The following TYW1 variants were observed in gnomAD, a reference collection of about 807,000 sequenced individuals.
TYW1 encodes the protein S-adenosyl-L-methionine-dependent tRNA 4-demethylwyosine synthase TYW1.
A neutral mutation model predicts 96.2 loss-of-function variants in TYW1; 46 were observed. The ratio of observed to expected loss-of-function variants is 0.48; its 90% CI spans 0.38 to 0.61. The LOEUF is 0.61. TYW1 is among the 20% of genes least tolerant of loss of function. The pLI, the probability that TYW1 is intolerant of heterozygous loss-of-function variation, is 0.00. For synonymous variants in TYW1, 274 were observed against 323.0 expected (o/e 0.85, Z 1.63); for missense variants, 684 against 909.6 (o/e 0.75, Z 3.19).
chr7:67,026,859 A>C (rs1465377716), intron 7 of TYW1, among the ~76,000 whole-genome samples: 3 of 152,140 alleles, frequency 2.0e-5, no homozygotes, highest in Non-Finnish European at 4.4e-5. Flanking sequence ...CATATATATT[A>C]AAGGTGGACT....
intron 9 of TYW1, among the ~76,000 whole-genome samples, chr7:67,056,343 T>C (rs1250194029): frequency 6.6e-6 from 1 of 151,986 alleles, no homozygotes; most frequent in Non-Finnish European, 1.5e-5. Context: ...AATATCAAAA[T>C]TAGTCAGGTG....
chr7:67,117,340 T>C (rs1299973655), intron 12 of TYW1, 143 bp from the exon 13 acceptor site: 1 of 863,262 alleles, frequency 1.2e-6, no homozygotes, highest in East Asian at 3.1e-5. Flanking sequence ...AATCATTAGT[T>C]CAGTCTTTTG....
At chr7:67,191,806 C>G (rs1365895695) in intron 14 of TYW1, among the ~76,000 whole-genome samples, 1 of 151,952 alleles carries the variant, frequency 6.6e-6, no homozygotes, top group African/African-American at 2.4e-5. Flanking sequence ...GCATTTCTGT[C>G]ACGGTGCAGC....
chr7:67,040,634 C>T (rs138438279), intron 7 of TYW1, among the ~76,000 whole-genome samples: 2 of 152,180 alleles, frequency 1.3e-5, no homozygotes, highest in East Asian at 3.9e-4. Flanking sequence ...CGCTTGAGCT[C>T]AGGAGTTTGA....
intron 15 of TYW1, among the ~76,000 whole-genome samples, chr7:67,210,715 A>G (rs1408345183): frequency 1.1e-5 from 1 of 88,230 alleles, no homozygotes; most frequent in Non-Finnish European, 2.4e-5. Flanking sequence ...TCCATTCATC[A>G]TCTGTATGTC....
chr7:67,035,913 A>G (rs1186605904), intron 7 of TYW1, among the ~76,000 whole-genome samples: 4 of 151,086 alleles, frequency 2.6e-5, no homozygotes, highest in African/African-American at 4.8e-5. Context: ...TGCTGATCTT[A>G]TGATCCGCCC....
intron 7 of TYW1, among the ~76,000 whole-genome samples, chr7:67,044,513 T>G (rs1375604067): frequency 6.6e-6 from 1 of 152,230 alleles, no homozygotes; most frequent in African/African-American, 2.4e-5. Flanking sequence ...TCTTCATTTA[T>G]TCAACCAACA....
Position 67,055,862 on chromosome 7 carries a change from G to T in TYW1, c.1130G>T (p.Gly377Val). Residue 377 changes from glycine to valine, a missense_variant, in exon 9 of 16, where the codon GGG becomes GTG. Coordinates refer to ENST00000359626, the MANE Select transcript of TYW1 (RefSeq NM_018264.4). ...QGYQLIGSHS[G>V]VKLCRWTKSM... ...TATCAGTTGATTGGGAGCCACTCGG[G>T]GGTGAAGCTTTGCAGGTGGACAAAG... 1 of 1,612,872 alleles carries T rather than the reference G, an allele frequency of 6.2e-7. No homozygotes were observed. Among genetic ancestry groups the T allele is most frequent in the African/African-American group, 1.3e-5 (1 of 74,970 alleles).
At chr7:67,192,724 C>G (rs1051220999) in intron 14 of TYW1, among the ~76,000 whole-genome samples, 6 of 152,152 alleles carry the variant, frequency 3.9e-5, no homozygotes, top group Non-Finnish European at 8.8e-5. Flanking sequence ...ACCTGATGCT[C>G]TGGAAGCCAA....
At chr7:67,003,685 T>C (rs1211633595) in intron 3 of TYW1, among the ~76,000 whole-genome samples, 4 of 152,208 alleles carry the variant, frequency 2.6e-5, no homozygotes, top group Non-Finnish European at 4.4e-5. Flanking sequence ...GTATTTTTTG[T>C]GTAAGGTTGC....
In TYW1 at chr7:67,163,633, A is replaced by G. The variant is rs577615269; in HGVS notation, c.1699-19493A>G. ...ACTGAACTCAAGGCATGTCTTTTCTACTCTCTGCCAAATTTCTGATCTTTA... is the reference window on the plus strand; with the variant it reads ...ACTGAACTCAAGGCATGTCTTTTCTGCTCTCTGCCAAATTTCTGATCTTTA... On this transcript the variant is annotated intron_variant, in intron 13 of 15. Transcript: ENST00000359626. Among the ~76,000 whole-genome samples, 104 of 145,712 alleles carry G rather than the reference A, an allele frequency of 7.1e-4. 1 individual carries two copies. The highest frequency in any genetic ancestry group is 7.2e-4 in the Non-Finnish European group (48 of 66,524).
chr7:67,131,165 G>T (rs1382344733), intron 13 of TYW1, among the ~76,000 whole-genome samples: 11 of 151,826 alleles, frequency 7.2e-5, no homozygotes. Flanking sequence ...TACTGGCTCT[G>T]CCACCTATTG....
intron 14 of TYW1, among the ~76,000 whole-genome samples, chr7:67,193,026 G>A (rs1800270922): frequency 6.6e-6 from 1 of 152,198 alleles, no homozygotes; most frequent in Non-Finnish European, 1.5e-5. Flanking sequence ...GGGCTGTGAT[G>A]TCAGCAAGCT....
intron 10 of TYW1, among the ~76,000 whole-genome samples, chr7:67,078,229 G>C (rs531277594): frequency 2.0e-4 from 30 of 152,132 alleles, no homozygotes; most frequent in Admixed American, 1.0e-3. Flanking sequence ...CCGAGTAACA[G>C]AGATTACAGG....
chr7:67,196,904 A>G (rs948866412), intron 15 of TYW1, among the ~76,000 whole-genome samples: 3 of 152,152 alleles, frequency 2.0e-5, no homozygotes, highest in African/African-American at 4.8e-5. Flanking sequence ...GCAGCAAGGG[A>G]CACAGTGCTC....
At chr7:67,132,372 A>C (rs558392322) in intron 13 of TYW1, among the ~76,000 whole-genome samples, 3 of 152,072 alleles carry the variant, frequency 2.0e-5, no homozygotes, top group Non-Finnish European at 4.4e-5. Flanking sequence ...GGCCTCCCAA[A>C]GTGCTGGGAT....
chr7:67,181,398 A>G (rs35042775), intron 13 of TYW1, among the ~76,000 whole-genome samples: 42,574 of 151,876 alleles, frequency 0.28, 6,443 homozygotes, highest in African/African-American at 0.4. Flanking sequence ...TGCATGATAT[A>G]CTGCATTTTG....
chr7:67,037,899 C>T (rs1350628202), intron 7 of TYW1, among the ~76,000 whole-genome samples: 1 of 152,166 alleles, frequency 6.6e-6, no homozygotes, highest in Non-Finnish European at 1.5e-5. Flanking sequence ...CTTGTTTTAG[C>T]ATTTTGTTAC....
At chr7:67,087,612 A>G (rs1160775314) in intron 11 of TYW1, among the ~76,000 whole-genome samples, 2 of 152,076 alleles carry the variant, frequency 1.3e-5, no homozygotes, top group Admixed American at 6.6e-5. Context: ...TCATATCTGA[A>G]TGGATTGACT....
Sources: gnomAD v4.1 joint callset for allele counts (sites outside exome capture counted in the v4.1 genomes callset) on GRCh38, gnomAD v4.1.1 for gene constraint, MANE v1.5 for transcripts, NCBI Gene and HGNC (gene_info 2026-07-23, HGNC 2026-07-21) for gene names.